C3orf70: variants seen among roughly 807,000 people sequenced by gnomAD.
C3orf70 encodes UPF0524 protein C3orf70.
A neutral mutation model predicts 20.7 loss-of-function variants in C3orf70; 15 were observed. That is an observed-to-expected ratio of 0.72 (90% CI 0.48 to 1.11). The LOEUF is 1.11. Among genes scored for constraint, C3orf70 ranks in the 50% most tolerant of loss-of-function variants. The pLI, the probability that C3orf70 is intolerant of heterozygous loss-of-function variation, is 0.00. For missense variants in C3orf70, 332 were observed against 317.6 expected (o/e 1.05, Z -0.34); for synonymous variants, 161 against 125.7 (o/e 1.28, Z -1.88).
intron 1 of C3orf70, among the ~76,000 whole-genome samples, chr3:185,136,234 A>G: frequency 6.6e-6 from 1 of 152,168 alleles, no homozygotes; most frequent in East Asian, 1.9e-4. Context: ...GATAATGAAA[A>G]AAAGGGTCAG....
chr3:185,114,862 T>TG (rs144543027), intron 1 of C3orf70, among the ~76,000 whole-genome samples: 22,616 of 152,126 alleles, frequency 0.15, 1,825 homozygotes, highest in East Asian at 0.23. Flanking sequence ...ACTAAAATTA[T>TG]GGGGAAAAAA....
chr3:185,120,418 G>T (rs1281141975), intron 1 of C3orf70, among the ~76,000 whole-genome samples: 2 of 152,104 alleles, frequency 1.3e-5, no homozygotes, highest in African/African-American at 4.8e-5. Context: ...AAAGAAAGAT[G>T]AAAATAAGCA....
intron 1 of C3orf70, among the ~76,000 whole-genome samples, chr3:185,112,558 G>C (rs1716096104): frequency 6.6e-6 from 1 of 152,100 alleles, no homozygotes; most frequent in Non-Finnish European, 1.5e-5. Context: ...TTCCTTGATA[G>C]GCTAAAAATT....
intron 1 of C3orf70, among the ~76,000 whole-genome samples, chr3:185,127,236 ATAT>A (rs1472441861): frequency 1.3e-5 from 2 of 152,218 alleles, no homozygotes; most frequent in Non-Finnish European, 2.9e-5. Context: ...AGCTGGGAAG[ATAT>A]TAATCAGTTT....
intron 1 of C3orf70, among the ~76,000 whole-genome samples, chr3:185,130,497 AAGTATATACTC>A (rs1716503900): frequency 6.6e-6 from 1 of 152,164 alleles, no homozygotes; most frequent in African/African-American, 2.4e-5. Context: ...TATCCTTTAA[AAGTATATACTC>A]AGTGGGTTTA....
chr3:185,137,976 G>A (rs1716661634), intron 1 of C3orf70, among the ~76,000 whole-genome samples: 1 of 152,102 alleles, frequency 6.6e-6, no homozygotes. Context: ...CTTTTAAAAG[G>A]TCAATGAAGC....
intron 1 of C3orf70, among the ~76,000 whole-genome samples, chr3:185,144,852 G>A (rs1297106822): frequency 6.6e-6 from 1 of 152,128 alleles, no homozygotes; most frequent in Non-Finnish European, 1.5e-5. Context: ...GTTGCTCCTG[G>A]GCCAAAGTGG....
chr3:185,097,918 C>G (rs1577321118), intron 1 of C3orf70, among the ~76,000 whole-genome samples: 1 of 152,198 alleles, frequency 6.6e-6, no homozygotes, highest in African/African-American at 2.4e-5. Context: ...ACAATTACAG[C>G]AGATAACTTT....
intron 1 of C3orf70, among the ~76,000 whole-genome samples, chr3:185,105,924 G>A (rs1661938131): frequency 6.6e-6 from 1 of 151,198 alleles, no homozygotes; most frequent in Non-Finnish European, 1.5e-5. Flanking sequence ...TGATGATGAG[G>A]AGGAAGGAGA....
chr3:185,103,609 C>G (rs907337533), intron 1 of C3orf70, among the ~76,000 whole-genome samples: 1 of 152,138 alleles, frequency 6.6e-6, no homozygotes, highest in African/African-American at 2.4e-5. Context: ...CATCACTGAT[C>G]ATTACAGAAA....
intron 1 of C3orf70, among the ~76,000 whole-genome samples, chr3:185,117,234 T>C (rs1423023675): frequency 6.6e-6 from 1 of 152,026 alleles, no homozygotes; most frequent in African/African-American, 2.4e-5. Flanking sequence ...TTCCCAATTG[T>C]TTTTTTTCTA....
rs78406161 is a variant in C3orf70 at position 185,144,177 on chromosome 3, T to C, written c.196+8451A>G. 4.1e-3 allele frequency among the ~76,000 whole-genome samples: 628 copies of C among 152,268 alleles called. 6 individuals are homozygous for C. Among genetic ancestry groups the C allele is most frequent in the African/African-American group, 0.014 (572 of 41,544 alleles). Reference sequence around the variant, plus strand: ...GTAGATTCCAGATTAACCAGGACATTTGAGGAAGGGGGAAAACAATTGCCG... The same window carrying C: ...GTAGATTCCAGATTAACCAGGACATCTGAGGAAGGGGGAAAACAATTGCCG... On this transcript the variant is annotated intron_variant, in intron 1 of 1. Coordinates refer to ENST00000335012, the MANE Select transcript of C3orf70 (RefSeq NM_001025266.3).
At chr3:185,086,801 G>C (rs1715467455) in intron 1 of C3orf70, among the ~76,000 whole-genome samples, 1 of 152,134 alleles carries the variant, frequency 6.6e-6, no homozygotes, top group Non-Finnish European at 1.5e-5. Flanking sequence ...GGGATGCAAA[G>C]AAAGAGAGGA....
intron 1 of C3orf70, among the ~76,000 whole-genome samples, chr3:185,106,121 A>T (rs555300952): frequency 6.8e-6 from 1 of 146,318 alleles, no homozygotes; most frequent in Admixed American, 6.9e-5. Context: ...TTGTTCGAGC[A>T]GCGCCTCGAG....
chr3:185,139,399 G>A (rs187279560), intron 1 of C3orf70, among the ~76,000 whole-genome samples: 10 of 151,282 alleles, frequency 6.6e-5, no homozygotes, highest in Admixed American at 3.3e-4. Flanking sequence ...CTAAAAATAC[G>A]AAAATGAGCC....
chr3:185,081,770 A>C lies in C3orf70; in HGVS notation c.*1237T>G, dbSNP rs1044980644. ...AACAGACAGACTGTGTGGGAAAGTG[A>C]ATGGCTATTACACTGGATATTTTCT... On this transcript the variant is annotated 3_prime_UTR_variant, in exon 2 of 2. Coordinates refer to ENST00000335012, the MANE Select transcript of C3orf70 (RefSeq NM_001025266.3). 8 of 152,664 alleles carry C rather than the reference A, an allele frequency of 5.2e-5. No homozygotes were observed. The highest frequency in any genetic ancestry group is 8.8e-5 in the Non-Finnish European group (6 of 68,044). 9.5% of individuals were successfully genotyped at this position (152,664 alleles called of 1,614,324 possible). A position where few individuals can be genotyped will look rare whatever the true frequency, so the allele number is the denominator to read the frequency against.
chr3:185,101,595 G>T (rs561565083), intron 1 of C3orf70, among the ~76,000 whole-genome samples: 1 of 152,304 alleles, frequency 6.6e-6, no homozygotes, highest in Admixed American at 6.5e-5. Flanking sequence ...AATCATGGTG[G>T]AAGGTGAATG....
In C3orf70 at chr3:185,079,283, A is replaced by AAAAAAAAAAAAAAT. The variant is rs1396051626; in HGVS notation, c.*3723_*3724insATTTTTTTTTTTTT. ...GTGAAGGAGCGAGACTCTGTCTCAA[A>AAAAAAAAAAAAAAT]AAAAAAAAAAAAAAAAAAAAAGTAA... On this transcript the variant is annotated 3_prime_UTR_variant, in exon 2 of 2. Transcript: ENST00000335012. 7 of 117,350 alleles carry AAAAAAAAAAAAAAT rather than the reference A, an allele frequency of 6.0e-5. No individual in the cohort carries two copies. The highest frequency in any genetic ancestry group is 2.8e-4 in the African/African-American group (7 of 25,204). 7.3% of individuals were successfully genotyped at this position (117,350 alleles called of 1,614,324 possible).
chr3:185,100,765 A>AG lies in C3orf70; in HGVS notation c.197-17203_197-17202insC, dbSNP rs937958738. On this transcript the variant is annotated intron_variant, in intron 1 of 1. Coordinates refer to ENST00000335012, the MANE Select transcript of C3orf70 (RefSeq NM_001025266.3). The stretch of plus-strand genomic sequence containing the variant: ...ATGGGTCCTGGAGTTGGTTTTTTGA[A>AG]AAAAAAAAATTAACAAAATAGATCA... Among the ~76,000 whole-genome samples the AG allele has an allele frequency of 4.8e-4, 67 of 138,596 alleles. 1 individual carries two copies. Among genetic ancestry groups the AG allele is most frequent in the Non-Finnish European group, 8.0e-4 (54 of 67,684 alleles). 90.9% of individuals were successfully genotyped at this position (138,596 alleles called of 152,430 possible).
Sources: allele counts gnomAD v4.1 joint callset (sites outside exome capture counted in the v4.1 genomes callset), GRCh38; gene constraint gnomAD v4.1.1; transcripts MANE v1.5; gene names NCBI Gene and HGNC (gene_info 2026-07-23, HGNC 2026-07-21).